PYCARD: variants seen among roughly 807,000 people sequenced by gnomAD.
PYCARD encodes the protein apoptosis-associated speck-like protein containing a CARD.
A neutral mutation model predicts 10.0 loss-of-function variants in PYCARD; 10 were observed. That is an observed-to-expected ratio of 1.00 (90% CI 0.62 to 1.69). PYCARD has a LOEUF of 1.69. PYCARD is among the 40% of genes most tolerant of loss of function. The probability of loss-of-function intolerance (pLI) is 0.00; values close to 1 mark genes in which losing one functional copy is unlikely to be tolerated. For synonymous variants in PYCARD, 121 were observed against 122.3 expected, an observed-to-expected ratio of 0.99 and a Z score of 0.07; for missense variants, 239 against 260.2, an observed-to-expected ratio of 0.92 and a Z score of 0.56.
chr16:31,201,604 T>TCC lies in PYCARD; in HGVS notation c.567_568dup (p.Glu190GlyfsTer?). 6.2e-7 allele frequency: 1 copy of TCC among 1,613,668 alleles called. No homozygotes were observed. On this transcript the variant is annotated frameshift_variant, in exon 3 of 3. Transcript: ENST00000247470. LOFTEE classifies it high-confidence loss of function. ...GGAGCCTCAGCTCCGCTCCAGGTCC[T>TCC]CCACCAGGTAGGACTGGGACTCCCT... is the stretch of plus-strand genomic sequence containing the variant.
Position 31,202,083 on chromosome 16 carries a change from G to C in PYCARD, c.331+64C>G. On this transcript the variant is annotated intron_variant, in intron 2 of 2. Coordinates refer to ENST00000247470, the MANE Select transcript of PYCARD (RefSeq NM_013258.5). The surrounding 1 kb of genome is among the most constrained non-coding windows in gnomAD (Gnocchi z 4.5). ...TGCCCTGCCCTGCCCTGCCCTGGTTGCGGGAGCACAGATGCAGGCTGTGCA... is the reference window on the plus strand; with the variant it reads ...TGCCCTGCCCTGCCCTGCCCTGGTTCCGGGAGCACAGATGCAGGCTGTGCA... The C allele has an allele frequency of 6.4e-7, 1 of 1,563,636 alleles. No individual in the cohort carries two copies. The highest frequency in any genetic ancestry group is 8.6e-7 in the Non-Finnish European group (1 of 1,156,250).
In PYCARD at chr16:31,202,755, G is replaced by A. The variant is rs1333171414; in HGVS notation, c.-65C>T. 3 of 1,500,640 alleles carry A rather than the reference G, an allele frequency of 2.0e-6. No individual in the cohort carries two copies. The highest frequency in any genetic ancestry group is 2.7e-6 in the Non-Finnish European group (3 of 1,130,398). The allele number at this position is 1,500,640 out of a possible 1,614,324, so 93.0% of individuals were successfully genotyped here. On this transcript the variant is annotated 5_prime_UTR_variant, in exon 1 of 3. Transcript: ENST00000247470. This position sits in a 1 kb window ranked among gnomAD's most constrained non-coding sequence, Gnocchi z 4.5. ...TGCAGCCGCCGACCAGGAGGAAGTCGGCTCCGGGGCGGAACCTGGACTCCC... is the reference window on the plus strand; with the variant it reads ...TGCAGCCGCCGACCAGGAGGAAGTCAGCTCCGGGGCGGAACCTGGACTCCC...
At position 31,202,705 on chromosome 16, in the gene PYCARD, C is replaced by T. The variant is rs200801274; in HGVS notation, c.-15G>A. On this transcript the variant is annotated 5_prime_UTR_variant, in exon 1 of 3. Transcript: ENST00000247470. The surrounding 1 kb of genome is among the most constrained non-coding windows in gnomAD (Gnocchi z 4.5). ...GCGCGCCCCATGGCTCCAGGATCCC[C>T]GGCCGCTGCCGCCGCTCACCCCGCT... 16 of 1,530,666 alleles carry T rather than the reference C, an allele frequency of 1.0e-5. No homozygotes were observed. Among genetic ancestry groups the T allele is most frequent in the African/African-American group, 5.5e-5 (4 of 72,430 alleles). 94.8% of individuals were successfully genotyped at this position (1,530,666 alleles called of 1,614,324 possible).
At position 31,202,697 on chromosome 16, in the gene PYCARD, A is replaced by T. The variant is rs1310408660; in HGVS notation, c.-7T>A. ...CGTCGCGCGCGCGCCCCATGGCTCC[A>T]GGATCCCCGGCCGCTGCCGCCGCTC... is the stretch of plus-strand genomic sequence containing the variant. On this transcript the variant is annotated 5_prime_UTR_variant, in exon 1 of 3. Coordinates refer to ENST00000247470, the MANE Select transcript of PYCARD (RefSeq NM_013258.5). This position sits in a 1 kb window ranked among gnomAD's most constrained non-coding sequence, Gnocchi z 4.5. 1 of 1,549,114 alleles carries T rather than the reference A, an allele frequency of 6.5e-7. No individual in the cohort carries two copies. The highest frequency in any genetic ancestry group is 2.3e-5 in the East Asian group (1 of 43,378).
Position 31,202,712 on chromosome 16 carries a change from T to C in PYCARD, c.-22A>G. The C allele has an allele frequency of 6.5e-7, 1 of 1,527,304 alleles. No homozygotes were observed. The highest frequency in any genetic ancestry group is 8.8e-7 in the Non-Finnish European group (1 of 1,139,964). The allele number at this position is 1,527,304 out of a possible 1,614,324, so 94.6% of individuals were successfully genotyped here. A position where few individuals can be genotyped will look rare whatever the true frequency, so the allele number is the denominator to read the frequency against. On this transcript the variant is annotated 5_prime_UTR_variant, in exon 1 of 3. Transcript: ENST00000247470. The surrounding 1 kb of genome is among the most constrained non-coding windows in gnomAD (Gnocchi z 4.5). Reference sequence around the variant, plus strand: ...CCATGGCTCCAGGATCCCCGGCCGCTGCCGCCGCTCACCCCGCTGCAGCCG... The same window carrying C: ...CCATGGCTCCAGGATCCCCGGCCGCCGCCGCCGCTCACCCCGCTGCAGCCG...
rs745375954 is a variant in PYCARD, at chr16:31,202,731, G to A, written c.-41C>T. The A allele has an allele frequency of 5.9e-6, 9 of 1,517,270 alleles. No individual in the cohort carries two copies. The highest frequency in any genetic ancestry group is 2.3e-4 in the Middle Eastern group (1 of 4,354). 94.0% of individuals were successfully genotyped at this position (1,517,270 alleles called of 1,614,324 possible). A position where few individuals can be genotyped will look rare whatever the true frequency, so the allele number is the denominator to read the frequency against. ...GGCCGCTGCCGCCGCTCACCCCGCT[G>A]CAGCCGCCGACCAGGAGGAAGTCGG... On this transcript the variant is annotated 5_prime_UTR_variant, in exon 1 of 3. Coordinates refer to ENST00000247470, the MANE Select transcript of PYCARD (RefSeq NM_013258.5). This position sits in a 1 kb window ranked among gnomAD's most constrained non-coding sequence, Gnocchi z 4.5.
rs1419804378 is a variant in PYCARD at position 31,202,716 on chromosome 16, G to T, written c.-26C>A. The T allele has an allele frequency of 6.5e-7, 1 of 1,526,894 alleles. No individual in the cohort carries two copies. Among genetic ancestry groups the T allele is most frequent in the Non-Finnish European group, 8.8e-7 (1 of 1,140,032 alleles). The allele number at this position is 1,526,894 out of a possible 1,614,324, so 94.6% of individuals were successfully genotyped here. The stretch of plus-strand genomic sequence containing the variant: ...GGCTCCAGGATCCCCGGCCGCTGCC[G>T]CCGCTCACCCCGCTGCAGCCGCCGA... On this transcript the variant is annotated 5_prime_UTR_variant, in exon 1 of 3. Coordinates refer to ENST00000247470, the MANE Select transcript of PYCARD (RefSeq NM_013258.5). This position sits in a 1 kb window ranked among gnomAD's most constrained non-coding sequence, Gnocchi z 4.5.
Position 31,201,636 on chromosome 16 carries a change from C to T in PYCARD, c.537G>A (p.Gln179=). The part of the protein sequence containing the change: ...WNWTCKDLLL[Q]ALRESQSYLV... Reference sequence around the variant, plus strand: ...GGTAGGACTGGGACTCCCTTAGGGCCTGGAGGAGCAAGTCCTTGCAGGTCC... The same window carrying T: ...GGTAGGACTGGGACTCCCTTAGGGCTTGGAGGAGCAAGTCCTTGCAGGTCC... The change falls in exon 3 of 3, where the codon CAG becomes CAA. Residue 179 remains glutamine (Q), a synonymous_variant. Coordinates refer to ENST00000247470, the MANE Select transcript of PYCARD (RefSeq NM_013258.5). The T allele has an allele frequency of 1.2e-6, 2 of 1,614,232 alleles. No homozygotes were observed. Among genetic ancestry groups the T allele is most frequent in the South Asian group, 1.1e-5 (1 of 91,082 alleles).
rs1174947940 is a variant in PYCARD at position 31,201,682 on chromosome 16, C to T, written c.491G>A (p.Ser164Asn). Residue 164 changes from serine to asparagine, a missense_variant, in exon 3 of 3, where the codon AGT becomes AAT. Coordinates refer to ENST00000247470, the MANE Select transcript of PYCARD (RefSeq NM_013258.5). ...TNPSKMRKLF[S>N]FTPAWNWTCK... is the part of the protein sequence containing the mutation. Reference sequence around the variant, plus strand: ...GGTCCAGTTCCAGGCTGGTGTGAAACTGAAGAGCTTCCGCATCTTGCTTGG... The same window carrying T: ...GGTCCAGTTCCAGGCTGGTGTGAAATTGAAGAGCTTCCGCATCTTGCTTGG... 6.2e-7 allele frequency: 1 copy of T among 1,614,114 alleles called. No individual in the cohort carries two copies. Among genetic ancestry groups the T allele is most frequent in the Non-Finnish European group, 8.5e-7 (1 of 1,180,056 alleles).
chr16:31,202,228 CCCCTT>C lies in PYCARD; in HGVS notation c.275-30_275-26del, dbSNP rs763782541. 3 of 1,600,036 alleles carry C rather than the reference CCCCTT, an allele frequency of 1.9e-6. No homozygotes were observed. Among genetic ancestry groups the C allele is most frequent in the South Asian group, 1.1e-5 (1 of 90,730 alleles). ...CCTGGAAGGATATGGGCCAAGTGAT[CCCCTT>C]CCCTTCCCTTCCCGCCGTGGGGCCG... On this transcript the variant is annotated intron_variant, in intron 1 of 2. Coordinates refer to ENST00000247470, the MANE Select transcript of PYCARD (RefSeq NM_013258.5). This position sits in a 1 kb window ranked among gnomAD's most constrained non-coding sequence, Gnocchi z 4.5.
In PYCARD at chr16:31,202,358, G is replaced by T; in HGVS notation, c.274+59C>A. ...AACAGAAAGCGGAAGAGCCCGCGGG[G>T]TAAGCGCTGGTGTGGGTGGAGGGGA... is the stretch of plus-strand genomic sequence containing the variant. On this transcript the variant is annotated intron_variant, in intron 1 of 2. Transcript: ENST00000247470. This position sits in a 1 kb window ranked among gnomAD's most constrained non-coding sequence, Gnocchi z 4.5. 6.7e-7 allele frequency: 1 copy of T among 1,499,594 alleles called. No individual in the cohort carries two copies. The highest frequency in any genetic ancestry group is 1.2e-5 in the South Asian group (1 of 82,822). The allele number at this position is 1,499,594 out of a possible 1,614,324, so 92.9% of individuals were successfully genotyped here. A position where few individuals can be genotyped will look rare whatever the true frequency, so the allele number is the denominator to read the frequency against.
chr16:31,201,846 G>T lies in PYCARD; in HGVS notation c.332-5C>A. The T allele has an allele frequency of 6.2e-7, 1 of 1,613,048 alleles. No homozygotes were observed. The highest frequency in any genetic ancestry group is 8.5e-7 in the Non-Finnish European group (1 of 1,179,390). ...GCTGGTCTATAAAGTGCAGGCCTGG[G>T]GGTGGGAGGAGAACATGAGCCAGCA... is the stretch of plus-strand genomic sequence containing the variant. On this transcript the variant is annotated splice_region_variant and splice_polypyrimidine_tract_variant and intron_variant, in intron 2 of 2. Transcript: ENST00000247470.
chr16:31,202,686 C>A lies in PYCARD; in HGVS notation c.5G>T (p.Gly2Val). 6.4e-7 allele frequency: 1 copy of A among 1,571,448 alleles called. No individual in the cohort carries two copies. Among genetic ancestry groups the A allele is most frequent in the Non-Finnish European group, 8.6e-7 (1 of 1,157,256 alleles). ...ATCCAGGATGGCGTCGCGCGCGCGC[C>A]CCATGGCTCCAGGATCCCCGGCCGC... The part of the protein sequence containing the change: M[G>V]RARDAILDAL... Residue 2 changes from glycine (G) to valine (V), a missense_variant, in exon 1 of 3, where the codon GGG (glycine) becomes GTG (valine). Transcript: ENST00000247470. This position sits in a 1 kb window ranked among gnomAD's most constrained non-coding sequence, Gnocchi z 4.5.
rs2079446905 is a variant in PYCARD, at chr16:31,202,055, G to A, written c.331+92C>T. On this transcript the variant is annotated intron_variant, in intron 2 of 2. Transcript: ENST00000247470. The surrounding 1 kb of genome is among the most constrained non-coding windows in gnomAD (Gnocchi z 4.5). ...GGGGTGCGCAGGGTTGCCAAGCCGTGCCTGCCCTGCCCTGCCCTGCCCTGG... is the reference window on the plus strand; with the variant it reads ...GGGGTGCGCAGGGTTGCCAAGCCGTACCTGCCCTGCCCTGCCCTGCCCTGG... 16 of 1,510,528 alleles carry A rather than the reference G, an allele frequency of 1.1e-5. No homozygotes were observed. Among genetic ancestry groups the A allele is most frequent in the Non-Finnish European group, 1.4e-5 (16 of 1,129,012 alleles). The allele number at this position is 1,510,528 out of a possible 1,614,324, so 93.6% of individuals were successfully genotyped here. A position where few individuals can be genotyped will look rare whatever the true frequency, so the allele number is the denominator to read the frequency against.
chr16:31,202,482 G>T lies in PYCARD; in HGVS notation c.209C>A (p.Ala70Asp). ...YLETYGAELTANVLRDMGLQE... is the reference protein window; with the variant it reads ...YLETYGAELTDNVLRDMGLQE... ...CAGGCCCATGTCGCGCAGCACGTTA[G>T]CGGTGAGCTCGGCGCCGTAGGTCTC... The change falls in exon 1 of 3, where the codon GCT (alanine) becomes GAT (aspartate). Residue 70 changes from alanine (A) to aspartate (D), a missense_variant. By Grantham distance (126) the Ala-to-Asp change is moderately radical. Transcript: ENST00000247470. The surrounding 1 kb of genome is among the most constrained non-coding windows in gnomAD (Gnocchi z 4.5). The T allele has an allele frequency of 1.3e-6, 2 of 1,591,112 alleles. No individual in the cohort carries two copies.
chr16:31,202,074 G>T lies in PYCARD; in HGVS notation c.331+73C>A, dbSNP rs1315585146. 4 of 1,553,410 alleles carry T rather than the reference G, an allele frequency of 2.6e-6. No homozygotes were observed. Among genetic ancestry groups the T allele is most frequent in the South Asian group, 1.2e-5 (1 of 84,724 alleles). On this transcript the variant is annotated intron_variant, in intron 2 of 2. Coordinates refer to ENST00000247470, the MANE Select transcript of PYCARD (RefSeq NM_013258.5). This position sits in a 1 kb window ranked among gnomAD's most constrained non-coding sequence, Gnocchi z 4.5. ...AGCCGTGCCTGCCCTGCCCTGCCCT[G>T]CCCTGGTTGCGGGAGCACAGATGCA...
In PYCARD at chr16:31,201,605, C is replaced by T. The variant is rs2079441186; in HGVS notation, c.568G>A (p.Glu190Lys). The change falls in exon 3 of 3, where the codon GAG (glutamate) becomes AAG (lysine). Residue 190 changes from glutamate to lysine, a missense_variant. By Grantham distance (56) the Glu-to-Lys change is moderately conservative. Transcript: ENST00000247470. ...ALRESQSYLV[E>K]DLERS ...GAGCCTCAGCTCCGCTCCAGGTCCT[C>T]CACCAGGTAGGACTGGGACTCCCTT... The T allele has an allele frequency of 6.2e-7, 1 of 1,613,728 alleles. No individual in the cohort carries two copies. The highest frequency in any genetic ancestry group is 1.3e-5 in the African/African-American group (1 of 75,040).
intron 2 of PYCARD, 27 bp from the exon 3 acceptor site, chr16:31,201,868 A>G: frequency 6.2e-7 from 1 of 1,610,096 alleles, no homozygotes; most frequent in Non-Finnish European, 8.5e-7. Flanking sequence ...AACATGAGCC[A>G]GCAGCCAGGG....
rs764124222 is a variant in PYCARD at position 31,201,803 on chromosome 16, C to A, written c.370G>T (p.Ala124Ser). ...FIDQHRAALI[A>S]RVTNVEWLLD... is the part of the protein sequence containing the mutation. ...AGCCACTCAACGTTTGTGACCCTCG[C>A]GATAAGCGCAGCCCGGTGCTGGTCT... Residue 124 changes from alanine (A) to serine (S), a missense_variant, in exon 3 of 3, where the codon GCG becomes TCG. Ala to Ser is a moderately conservative substitution (Grantham distance 99, BLOSUM62 1). Transcript: ENST00000247470. 1.1e-5 allele frequency: 17 copies of A among 1,614,076 alleles called. No homozygotes were observed. The highest frequency in any genetic ancestry group is 8.0e-5 in the African/African-American group (6 of 74,928).
Sources: gnomAD v4.1 joint callset for allele counts on GRCh38, gnomAD v4.1.1 for gene constraint, Gnocchi (gnomAD v3.1) non-coding constraint, MANE v1.5 for transcripts, NCBI Gene and HGNC (gene_info 2026-07-23, HGNC 2026-07-21) for gene names.